The following ADGRV1 variants were observed in gnomAD, a reference collection of about 807,000 sequenced individuals.
The protein encoded by ADGRV1 is G-protein coupled receptor 98.
Under a neutral mutation model 596.2 loss-of-function variants are expected in ADGRV1, and 359 were observed. The observed-to-expected ratio is 0.60, with a 90% CI of 0.55 to 0.66. ADGRV1 has a LOEUF of 0.66. Among genes scored for constraint, ADGRV1 ranks in the 30% least tolerant of loss-of-function variants. The pLI, the probability that ADGRV1 is intolerant of heterozygous loss-of-function variation, is 0.00. For synonymous variants in ADGRV1, 2,681 were observed against 2,679.2 expected, an observed-to-expected ratio of 1.00 and a Z score of -0.02; for missense variants, 7,274 against 7,575.6, an observed-to-expected ratio of 0.96 and a Z score of 1.48.
chr5:90,583,240 T>C (rs549394690), intron 1 of ADGRV1, among the ~76,000 whole-genome samples: 1 of 152,308 alleles, frequency 6.6e-6, no homozygotes, highest in African/African-American at 2.4e-5. Flanking sequence ...TAATAGACTT[T>C]CCTGAAGCTT....
In ADGRV1 at chr5:90,755,204, GA is replaced by G. The variant is rs1755700991; in HGVS notation, c.11580+21del. 6.4e-7 allele frequency: 1 copy of G among 1,551,916 alleles called. No individual in the cohort carries two copies. Among genetic ancestry groups the G allele is most frequent in the Admixed American group, 1.8e-5 (1 of 57,074 alleles). ...TTTGCCGGTAAGTCAAGGCTGCAAA[GA>G]ATGTGATCTAAAATAGAGGAAAATT... On this transcript the variant is annotated intron_variant, in intron 55 of 89. Transcript: ENST00000405460.
intron 77 of ADGRV1, among the ~76,000 whole-genome samples, chr5:90,833,281 C>T (rs1764673848): frequency 6.6e-6 from 1 of 151,950 alleles, no homozygotes; most frequent in South Asian, 2.1e-4. Context: ...CAATGTTTTT[C>T]ATAGATTTGT....
intron 21 of ADGRV1, among the ~76,000 whole-genome samples, chr5:90,663,715 A>G (rs1298516036): frequency 6.6e-6 from 1 of 152,184 alleles, no homozygotes. Context: ...GGTAATGCCT[A>G]GGTTTTCTTC....
Position 90,790,562 on chromosome 5 carries a change from G to T in ADGRV1, c.14044-311G>T, listed in dbSNP as rs114209496. On this transcript the variant is annotated intron_variant, in intron 69 of 89. Coordinates refer to ENST00000405460, the MANE Select transcript of ADGRV1 (RefSeq NM_032119.4). ...TTTACCTTGAAATACTGTGTGTGGT[G>T]TACTACTAAAGTTATTTGTGGAACT... is the stretch of plus-strand genomic sequence containing the variant. Among the ~76,000 whole-genome samples the T allele has an allele frequency of 2.0e-3, 304 of 152,170 alleles. 2 individuals carry two copies. The highest frequency in any genetic ancestry group is 6.9e-3 in the African/African-American group (288 of 41,526).
At chr5:91,001,790 C>A (rs1364647685) in intron 85 of ADGRV1, among the ~76,000 whole-genome samples, 1 of 152,004 alleles carries the variant, frequency 6.6e-6, no homozygotes, top group African/African-American at 2.4e-5. Flanking sequence ...TTGGAGGGTT[C>A]TTTTTTTCCT....
chr5:90,613,788 T>A (rs890452676), intron 1 of ADGRV1, among the ~76,000 whole-genome samples: 2 of 152,098 alleles, frequency 1.3e-5, no homozygotes, highest in African/African-American at 4.8e-5. Flanking sequence ...TATCAGGAAC[T>A]CATATATTTG....
Position 90,694,592 on chromosome 5 carries a change from G to T in ADGRV1, c.7836G>T (p.Arg2612Ser). ...CCTTGGTGGAGCTGATGATACACAGGACAGGGGGCAGCTTAGGTCAAGTGG... is the reference window on the plus strand; with the variant it reads ...CCTTGGTGGAGCTGATGATACACAGTACAGGGGGCAGCTTAGGTCAAGTGG... Reference protein sequence around the residue: ...PQTLVELMIHRTGGSLGQVAV... With the variant: ...PQTLVELMIHSTGGSLGQVAV... Residue 2612 changes from arginine (R) to serine (S), a missense_variant, in exon 33 of 90, where the codon AGG becomes AGT. This residue lies in a region of ADGRV1 where 3,643 missense variants were observed against 3,809.2 expected (regional missense o/e 0.96). Coordinates refer to ENST00000405460, the MANE Select transcript of ADGRV1 (RefSeq NM_032119.4). The T allele has an allele frequency of 6.2e-7, 1 of 1,613,866 alleles. No individual in the cohort carries two copies. Among genetic ancestry groups the T allele is most frequent in the East Asian group, 2.2e-5 (1 of 44,870 alleles).
intron 83 of ADGRV1, among the ~76,000 whole-genome samples, chr5:90,872,739 T>C (rs2150504760): frequency 6.6e-6 from 1 of 152,216 alleles, no homozygotes; most frequent in East Asian, 1.9e-4. Context: ...TAAGTCTATC[T>C]CCAAAGGGTG....
intron 85 of ADGRV1, among the ~76,000 whole-genome samples, chr5:91,024,235 G>C (rs1265826916): frequency 3.3e-5 from 5 of 152,104 alleles, no homozygotes; most frequent in Non-Finnish European, 7.4e-5. Context: ...GGATGACTTT[G>C]AGGCAGAGGA....
intron 86 of ADGRV1, among the ~76,000 whole-genome samples, chr5:91,101,649 A>G (rs554424824): frequency 6.6e-6 from 1 of 152,330 alleles, no homozygotes; most frequent in Admixed American, 6.5e-5. Flanking sequence ...GCATTAGAAC[A>G]TGTGTAGAAT....
intron 11 of ADGRV1, among the ~76,000 whole-genome samples, chr5:90,639,341 T>C (rs9790907): frequency 0.76 from 115,144 of 152,016 alleles, 44,476 homozygotes; most frequent in African/African-American, 0.91. Context: ...TGTGGGAATC[T>C]GTAGAAACTT....
chr5:90,850,577 C>G (rs1766386511), intron 79 of ADGRV1: 2 of 152,072 alleles, frequency 1.3e-5, no homozygotes, highest in Admixed American at 1.3e-4. Flanking sequence ...TATTGTTTTC[C>G]CCTGTTGAAC....
intron 86 of ADGRV1, among the ~76,000 whole-genome samples, chr5:91,101,933 T>C (rs772319084): frequency 4.3e-4 from 66 of 152,168 alleles, no homozygotes; most frequent in Non-Finnish European, 8.1e-4. Flanking sequence ...TACAAATCCA[T>C]TGTTGCTTTG....
chr5:91,092,545 A>G (rs1370664266), intron 86 of ADGRV1: 1 of 152,224 alleles, frequency 6.6e-6, no homozygotes, highest in African/African-American at 2.4e-5. Flanking sequence ...AGGGTTCTAT[A>G]GCCAAACAAA....
Position 90,595,081 on chromosome 5 carries a change from C to T in ADGRV1, c.23-19754C>T, listed in dbSNP as rs1274405270. Among the ~76,000 whole-genome samples, 5 of 139,672 alleles carry T rather than the reference C, an allele frequency of 3.6e-5. No homozygotes were observed. The East Asian group carries it at 6.2e-4, about 17-fold the overall frequency. 91.6% of individuals were successfully genotyped at this position (139,672 alleles called of 152,430 possible). A position where few individuals can be genotyped will look rare whatever the true frequency, so the allele number is the denominator to read the frequency against. On this transcript the variant is annotated intron_variant, in intron 1 of 89. Coordinates refer to ENST00000405460, the MANE Select transcript of ADGRV1 (RefSeq NM_032119.4). The stretch of plus-strand genomic sequence containing the variant: ...GGCGGCCGGGCAGAGGCGCCCCTCA[C>T]CTCCCGGACGGGGCAGCTGGCCGGG...
At chr5:91,144,571 A>G (rs1053478772) in intron 87 of ADGRV1, among the ~76,000 whole-genome samples, 1 of 152,144 alleles carries the variant, frequency 6.6e-6, no homozygotes, top group Non-Finnish European at 1.5e-5. Flanking sequence ...CTCCCAAGCC[A>G]CTGGGATTAC....
At chr5:90,573,531 T>C (rs1002936824) in intron 1 of ADGRV1, among the ~76,000 whole-genome samples, 1 of 151,884 alleles carries the variant, frequency 6.6e-6, no homozygotes, top group Non-Finnish European at 1.5e-5. Context: ...AGAATTTGTG[T>C]ATCTACACAT....
chr5:90,730,132 T>C (rs1752364751), intron 50 of ADGRV1, among the ~76,000 whole-genome samples: 3 of 152,174 alleles, frequency 2.0e-5, no homozygotes, highest in Non-Finnish European at 4.4e-5. Flanking sequence ...GCTGGGATTA[T>C]AGGCGTGAGC....
chr5:90,657,776 A>T, intron 20 of ADGRV1, 129 bp from the exon 21 acceptor site: 1 of 801,334 alleles, frequency 1.2e-6, no homozygotes, highest in Non-Finnish European at 1.9e-6. Context: ...ATTGTATACT[A>T]GTTATGCAAA....
Sources: gnomAD v4.1 joint callset for allele counts (sites outside exome capture counted in the v4.1 genomes callset) on GRCh38, gnomAD v4.1.1 for gene constraint, gnomAD v4.1.1 regional missense constraint, MANE v1.5 for transcripts, NCBI Gene and HGNC (gene_info 2026-07-23, HGNC 2026-07-21) for gene names.